The following GALNT16 variants were observed in gnomAD, a reference collection of about 807,000 sequenced individuals.
The protein encoded by GALNT16 is UDP-GalNAc:polypeptide N-acetylgalactosaminyltransferase-like protein 1.
A neutral mutation model predicts 76.1 loss-of-function variants in GALNT16; 40 were observed. The ratio of observed to expected loss-of-function variants is 0.53; its 90% CI spans 0.41 to 0.68. The LOEUF (loss-of-function observed/expected upper bound fraction) is 0.68. Ranked by LOEUF, GALNT16 falls within the 30% of genes least tolerant of loss-of-function variation. GALNT16 has a pLI of 0.00. For synonymous variants in GALNT16, 276 were observed against 285.2 expected (o/e 0.97, Z 0.32); for missense variants, 621 against 731.9 (o/e 0.85, Z 1.75).
chr14:69,279,017 C>T (rs1042853962), intron 1 of GALNT16, among the ~76,000 whole-genome samples: 3 of 151,938 alleles, frequency 2.0e-5, no homozygotes, highest in Admixed American at 6.6e-5. Flanking sequence ...CTGCAACCTC[C>T]GCTTCCCAGG....
At chr14:69,274,473 T>A (rs2044446080) in intron 1 of GALNT16, among the ~76,000 whole-genome samples, 2 of 152,320 alleles carry the variant, frequency 1.3e-5, no homozygotes, top group South Asian at 4.1e-4. Context: ...GGGCTATTGT[T>A]ATCTAAAGGA....
intron 1 of GALNT16, among the ~76,000 whole-genome samples, chr14:69,319,749 G>C (rs1487116277): frequency 6.6e-6 from 1 of 152,186 alleles, no homozygotes; most frequent in Non-Finnish European, 1.5e-5. Flanking sequence ...TCACTGCCCA[G>C]CACTTAGTGC....
In GALNT16 at chr14:69,333,129, G is replaced by C. The variant is rs2045375681; in HGVS notation, c.823G>C (p.Glu275Gln). ...LHFKWEQIPL[E>Q]QKMTRTDPTR... ...TTTCAAGTGGGAGCAGATCCCTCTT[G>C]AGCAGAAGATGACCCGGACAGACCC... Residue 275 changes from glutamate (E) to glutamine (Q), a missense_variant, in exon 8 of 15, where the codon GAG (glutamate) becomes CAG (glutamine). Physicochemically the swap from Glu to Gln is conservative, Grantham distance 29 (BLOSUM62 2). Coordinates refer to ENST00000448469, the MANE Select transcript of GALNT16 (RefSeq NM_001168368.2). The surrounding 1 kb of genome is among the most constrained non-coding windows in gnomAD (Gnocchi z 4.2). 1 of 1,613,770 alleles carries C rather than the reference G, an allele frequency of 6.2e-7. No homozygotes were observed.
At chr14:69,336,628 C>T (rs1164687552) in intron 9 of GALNT16, among the ~76,000 whole-genome samples, 1 of 152,210 alleles carries the variant, frequency 6.6e-6, no homozygotes, top group Non-Finnish European at 1.5e-5. Context: ...ATCCACTGGC[C>T]CTCTTCAGCT....
At chr14:69,304,983 C>T (rs1243739789) in intron 1 of GALNT16, among the ~76,000 whole-genome samples, 1 of 151,866 alleles carries the variant, frequency 6.6e-6, no homozygotes, top group Non-Finnish European at 1.5e-5. Flanking sequence ...GGATAAATAC[C>T]CAGAGTGGGC....
chr14:69,371,975 TAA>T, the GALNT16 span, among the ~76,000 whole-genome samples: 3 of 151,912 alleles, frequency 2.0e-5, no homozygotes, highest in African/African-American at 7.3e-5. Context: ...TAAATAATAA[TAA>T]GTTATCATTC....
At chr14:69,367,327 C>T in the GALNT16 span, among the ~76,000 whole-genome samples, 1 of 151,954 alleles carries the variant, frequency 6.6e-6, no homozygotes. Context: ...AGTGGGGGCT[C>T]TTGGGAGGTG....
intron 13 of GALNT16, 57 bp from the exon 14 acceptor site, chr14:69,347,820 A>G: frequency 1.3e-6 from 2 of 1,592,496 alleles, no homozygotes; most frequent in South Asian, 1.1e-5. Context: ...CTATCTACCC[A>G]TCTCTCCACC....
intron 1 of GALNT16, among the ~76,000 whole-genome samples, chr14:69,269,775 AGTAT>A (rs2044384038): frequency 7.3e-6 from 1 of 137,226 alleles, no homozygotes; most frequent in Admixed American, 7.2e-5. Flanking sequence ...CTGTGTATGT[AGTAT>A]GTGTGTGTGT....
chr14:69,359,270 T>G (rs1274288619), downstream of GALNT16: 1 of 152,242 alleles, frequency 6.6e-6, no homozygotes. Context: ...ACAGCAAATG[T>G]TTGTTTGCTG....
At chr14:69,328,076 G>A (rs1293857224) in intron 5 of GALNT16, among the ~76,000 whole-genome samples, 1 of 152,202 alleles carries the variant, frequency 6.6e-6, no homozygotes, top group Non-Finnish European at 1.5e-5. Flanking sequence ...TAGGGGTATG[G>A]ATGGAGGGGA....
the GALNT16 span, among the ~76,000 whole-genome samples, chr14:69,382,771 A>G: frequency 2.0e-5 from 3 of 150,204 alleles, no homozygotes; most frequent in Admixed American, 1.3e-4. Flanking sequence ...CCCTGGCGAC[A>G]GTGCAAGACT....
the GALNT16 span, among the ~76,000 whole-genome samples, chr14:69,378,684 C>T: frequency 6.6e-6 from 1 of 152,194 alleles, no homozygotes; most frequent in Non-Finnish European, 1.5e-5. Context: ...AACCCAGATA[C>T]TTTCTCACAT....
At position 69,333,537 on chromosome 14, in the gene GALNT16, T is replaced by A; in HGVS notation, c.904T>A (p.Ser302Thr). ...TGGAGGAATCTTCGTGATCGACAAG[T>A]CCTGGTTTAACCACTTGGGAAAGTA... ...IAGGIFVIDKSWFNHLGKYDA... is the reference protein window; with the variant it reads ...IAGGIFVIDKTWFNHLGKYDA... Residue 302 changes from serine (S) to threonine (T), a missense_variant, in exon 9 of 15, where the codon TCC (serine) becomes ACC (threonine). Ser to Thr is a moderately conservative substitution (Grantham distance 58). Transcript: ENST00000448469. This position sits in a 1 kb window ranked among gnomAD's most constrained non-coding sequence, Gnocchi z 4.2. 6.2e-7 allele frequency: 1 copy of A among 1,611,400 alleles called. No individual in the cohort carries two copies. Among genetic ancestry groups the A allele is most frequent in the African/African-American group, 1.3e-5 (1 of 74,912 alleles).
intron 1 of GALNT16, among the ~76,000 whole-genome samples, chr14:69,304,766 C>A (rs1267516044): frequency 6.6e-6 from 1 of 152,128 alleles, no homozygotes; most frequent in Non-Finnish European, 1.5e-5. Flanking sequence ...CATAATGTCC[C>A]CAAGGTTCAT....
At chr14:69,280,028 G>A (rs904931925) in intron 1 of GALNT16, among the ~76,000 whole-genome samples, 4 of 152,154 alleles carry the variant, frequency 2.6e-5, no homozygotes, top group African/African-American at 9.7e-5. Flanking sequence ...ATTTTGTATT[G>A]TAGTAAAATA....
At chr14:69,306,451 T>A (rs2044935844) in intron 1 of GALNT16, among the ~76,000 whole-genome samples, 1 of 152,244 alleles carries the variant, frequency 6.6e-6, no homozygotes, top group African/African-American at 2.4e-5. Context: ...CTCCCACTAA[T>A]AATGTATTAA....
At chr14:69,266,242 C>T (rs998827718) in intron 1 of GALNT16, among the ~76,000 whole-genome samples, 1 of 152,132 alleles carries the variant, frequency 6.6e-6, no homozygotes, top group African/African-American at 2.4e-5. Flanking sequence ...AATGCAAAAA[C>T]GATACAGAAC....
chr14:69,348,023 C>T, intron 14 of GALNT16, 21 bp downstream of exon 14: 1 of 1,612,516 alleles, frequency 6.2e-7, no homozygotes, highest in Non-Finnish European at 8.5e-7. Flanking sequence ...TTGCCTCTGG[C>T]CCAGAGGCCC....
Sources: allele counts gnomAD v4.1 joint callset (sites outside exome capture counted in the v4.1 genomes callset), GRCh38; gene constraint gnomAD v4.1.1; non-coding constraint Gnocchi (gnomAD v3.1); transcripts MANE v1.5; gene names NCBI Gene and HGNC (gene_info 2026-07-23, HGNC 2026-07-21).